Variants in CDK5RAP2 observed in about 807,000 individuals in gnomAD.
CDK5RAP2 encodes CDK5 regulatory subunit-associated protein 2.
A neutral mutation model predicts 232.9 loss-of-function variants in CDK5RAP2; 147 were observed. The ratio of observed to expected loss-of-function variants is 0.63; its 90% CI spans 0.55 to 0.72. The LOEUF (loss-of-function observed/expected upper bound fraction) is 0.72, where lower values mean the gene tolerates loss of function less well. Ranked by LOEUF, CDK5RAP2 falls within the 30% of genes least tolerant of loss-of-function variation. The pLI, the probability that CDK5RAP2 is intolerant of heterozygous loss-of-function variation, is 0.00. For synonymous variants in CDK5RAP2, 833 were observed against 833.7 expected (o/e 1.00, Z 0.01); for missense variants, 2,195 against 2,231.5 (o/e 0.98, Z 0.33).
rs577457494 is a variant in CDK5RAP2, at chr9:120,580,041, T to C, written c.-63A>G. ...GCGGCGCCACTAGTACCCCCCGCGA[T>C]AGCGACCCGCCGGGCTCCCCAGGTC... On this transcript the variant is annotated 5_prime_UTR_variant, in exon 1 of 38. Transcript: ENST00000349780. 9.7e-5 allele frequency: 107 copies of C among 1,099,756 alleles called. No individual in the cohort carries two copies. The highest frequency in any genetic ancestry group is 5.4e-4 in the African/African-American group (35 of 65,192). The allele number at this position is 1,099,756 out of a possible 1,614,324, so 68.1% of individuals were successfully genotyped here.
chr9:120,422,522 A>G (rs911689965), intron 26 of CDK5RAP2, among the ~76,000 whole-genome samples, 171 bp downstream of exon 26: 9 of 152,246 alleles, frequency 5.9e-5, no homozygotes, highest in African/African-American at 2.2e-4. Context: ...GACATATGGC[A>G]TGAGCTCTTG....
chr9:120,453,201 A>T (rs568220004), intron 21 of CDK5RAP2, among the ~76,000 whole-genome samples: 1 of 152,168 alleles, frequency 6.6e-6, no homozygotes, highest in South Asian at 2.1e-4. Context: ...AAAACACATA[A>T]ATGTCACAAT....
intron 21 of CDK5RAP2, among the ~76,000 whole-genome samples, chr9:120,449,849 A>G (rs904772477): frequency 6.6e-6 from 1 of 152,228 alleles, no homozygotes; most frequent in African/African-American, 2.4e-5. Flanking sequence ...TAGAATGGCT[A>G]TAATCAAAGG....
At chr9:120,422,812 C>T (rs995906511) in intron 25 of CDK5RAP2, 71 bp from the exon 26 acceptor site, 10 of 1,143,078 alleles carry the variant, frequency 8.7e-6, no homozygotes, top group African/African-American at 7.6e-5. Context: ...TAATTTCCTG[C>T]TCATACATTT....
At chr9:120,389,997 CTT>C in intron 36 of CDK5RAP2, 1 of 591,010 alleles carries the variant, frequency 1.7e-6, no homozygotes, top group East Asian at 3.0e-5. Flanking sequence ...AACAACACCT[CTT>C]TGAGGCCCCG....
At chr9:120,447,863 C>A in intron 22 of CDK5RAP2, 32 bp downstream of exon 22, 1 of 1,492,494 alleles carries the variant, frequency 6.7e-7, no homozygotes, top group South Asian at 1.1e-5. Flanking sequence ...GTTTGTCTAG[C>A]TCACAGGGAA....
At chr9:120,458,413 C>T in intron 20 of CDK5RAP2, 37 bp downstream of exon 20, 2 of 1,603,578 alleles carry the variant, frequency 1.2e-6, no homozygotes, top group Non-Finnish European at 1.7e-6. Flanking sequence ...TCCCCTAGAA[C>T]TAGAGAAACA....
chr9:120,561,892 A>G (rs559185503), intron 3 of CDK5RAP2, among the ~76,000 whole-genome samples: 4 of 152,204 alleles, frequency 2.6e-5, no homozygotes, highest in Admixed American at 1.3e-4. Context: ...TGATAGACTC[A>G]GTGTGCTCTC....
chr9:120,470,100 T>G lies in CDK5RAP2; in HGVS notation c.1968+11A>C, dbSNP rs762300613. 2.5e-5 allele frequency: 33 copies of G among 1,300,058 alleles called. No homozygotes were observed. The South Asian group carries it at 3.8e-4, about 15-fold the overall frequency. 80.5% of individuals were successfully genotyped at this position (1,300,058 alleles called of 1,614,324 possible). On this transcript the variant is annotated intron_variant, in intron 17 of 37. Coordinates refer to ENST00000349780, the MANE Select transcript of CDK5RAP2 (RefSeq NM_018249.6). ...AGAAAAGAAAAGCACTAAAAATTAA[T>G]AGGTCAATACCTTTTTCTTAAGTTC...
intron 25 of CDK5RAP2, among the ~76,000 whole-genome samples, chr9:120,434,406 T>TC (rs1309639973): frequency 2.0e-5 from 3 of 151,918 alleles, no homozygotes; most frequent in East Asian, 1.9e-4. Flanking sequence ...TGCAGGCCCT[T>TC]ATCTGGACTT....
At chr9:120,397,564 AAGAAAAAAG>A (rs1225154763) in intron 35 of CDK5RAP2, among the ~76,000 whole-genome samples, 2 of 124,342 alleles carry the variant, frequency 1.6e-5, no homozygotes, top group African/African-American at 7.0e-5. Context: ...AAAAAAAAAA[AAGAAAAAAG>A]AAAAAAAAAA....
At chr9:120,410,609 G>T (rs932650752) in intron 29 of CDK5RAP2, among the ~76,000 whole-genome samples, 1 of 152,188 alleles carries the variant, frequency 6.6e-6, no homozygotes, top group South Asian at 2.1e-4. Flanking sequence ...CAGTCTACAC[G>T]GCCCTGAAGT....
chr9:120,535,231 A>G (rs2041332991), intron 7 of CDK5RAP2, among the ~76,000 whole-genome samples: 1 of 152,218 alleles, frequency 6.6e-6, no homozygotes, highest in Admixed American at 6.5e-5. Context: ...AAGCTAGGGC[A>G]CTTACATGGA....
Position 120,448,007 on chromosome 9 carries a change from C to A in CDK5RAP2, c.2913G>T (p.Leu971=). ...TTTTAAACTCCTTCAGCTCCCCCTG[C>A]AGCTCCAAGATCTGGCTCTGCAGCT... is the stretch of plus-strand genomic sequence containing the variant. ...VTQLQSQILE[L]QGELKEFKTC... The change falls in exon 22 of 38, where the codon CTG becomes CTT. Residue 971 remains leucine, a synonymous_variant. Coordinates refer to ENST00000349780, the MANE Select transcript of CDK5RAP2 (RefSeq NM_018249.6). 13 of 1,614,196 alleles carry A rather than the reference C, an allele frequency of 8.1e-6. No individual in the cohort carries two copies. Among genetic ancestry groups the A allele is most frequent in the Non-Finnish European group, 1.1e-5 (13 of 1,180,014 alleles).
At chr9:120,482,498 C>T (rs2038377396) in intron 14 of CDK5RAP2, among the ~76,000 whole-genome samples, 1 of 152,186 alleles carries the variant, frequency 6.6e-6, no homozygotes, top group Admixed American at 6.5e-5. Context: ...AGACCCAGTG[C>T]TGTCATTTAC....
chr9:120,441,778 GC>G (rs2035912634), intron 23 of CDK5RAP2, among the ~76,000 whole-genome samples: 1 of 152,178 alleles, frequency 6.6e-6, no homozygotes, highest in Admixed American at 6.5e-5. Context: ...CCTAAAGGAA[GC>G]ATTCCTAATA....
At chr9:120,543,590 G>A (rs779824278) in intron 5 of CDK5RAP2, among the ~76,000 whole-genome samples, 7 of 152,154 alleles carry the variant, frequency 4.6e-5, no homozygotes, top group South Asian at 2.1e-4. Context: ...TGGGTGCAGC[G>A]GCTCACCCCT....
At chr9:120,479,301 C>G (rs2038183900) in intron 14 of CDK5RAP2, among the ~76,000 whole-genome samples, 1 of 152,050 alleles carries the variant, frequency 6.6e-6, no homozygotes, top group South Asian at 2.1e-4. Context: ...AAAAATCACC[C>G]TTCGCCAACC....
chr9:120,419,322 C>T (rs1436901544), intron 27 of CDK5RAP2, among the ~76,000 whole-genome samples: 6 of 152,144 alleles, frequency 3.9e-5, no homozygotes, highest in Non-Finnish European at 8.8e-5. Context: ...ACCCAATGGG[C>T]CATGGGTCAC....
Sources: gnomAD v4.1 joint callset for allele counts (sites outside exome capture counted in the v4.1 genomes callset) on GRCh38, gnomAD v4.1.1 for gene constraint, MANE v1.5 for transcripts, NCBI Gene and HGNC (gene_info 2026-07-23, HGNC 2026-07-21) for gene names.